LYRM4: variants seen among roughly 807,000 people sequenced by gnomAD.
The protein encoded by LYRM4 is LYR motif containing 4, also known as LYR motif-containing protein 4.
Under a neutral mutation model 11.7 loss-of-function variants are expected in LYRM4, and 9 were observed. The ratio of observed to expected loss-of-function variants is 0.77; its 90% CI spans 0.46 to 1.34. The LOEUF is 1.34. Among genes scored for constraint, LYRM4 ranks in the 40% most tolerant of loss-of-function variants. The pLI is 0.00. For synonymous variants in LYRM4, 42 were observed against 40.4 expected, an observed-to-expected ratio of 1.04 and a Z score of -0.15; for missense variants, 133 against 112.5, an observed-to-expected ratio of 1.18 and a Z score of -0.82.
At chr6:5,166,680 G>A (rs1759106273) in intron 2 of LYRM4, among the ~76,000 whole-genome samples, 1 of 152,194 alleles carries the variant, frequency 6.6e-6, no homozygotes, top group Admixed American at 6.5e-5. Context: ...ATTGGTCTGG[G>A]TTTCACATGG....
the LYRM4 span, among the ~76,000 whole-genome samples, chr6:5,041,341 G>A: frequency 4.6e-5 from 7 of 152,168 alleles, no homozygotes; most frequent in African/African-American, 1.7e-4. Context: ...TAAGTGCCTG[G>A]CCAGCTGTCA....
At position 5,162,958 on chromosome 6, in the gene LYRM4, TA is replaced by T. The variant is rs1251777814; in HGVS notation, c.208-53468del. The stretch of plus-strand genomic sequence containing the variant: ...ATTTTTAAAAGTTGGTTTTCAGCCT[TA>T]AAAAAATCGATTTGTAGGATTCTTT... On this transcript the variant is annotated intron_variant, in intron 2 of 2. Coordinates refer to ENST00000330636, the MANE Select transcript of LYRM4 (RefSeq NM_020408.6). 2.0e-5 allele frequency among the ~76,000 whole-genome samples: 3 copies of T among 152,182 alleles called. No individual in the cohort carries two copies. In the South Asian group the frequency reaches 6.2e-4, roughly 32 times the overall value.
chr6:5,060,981 G>A, the LYRM4 span, among the ~76,000 whole-genome samples: 3 of 152,078 alleles, frequency 2.0e-5, no homozygotes, highest in Non-Finnish European at 4.4e-5. Context: ...ATACTGTTCT[G>A]TGTTCTTAAA....
At chr6:5,213,908 T>C (rs72811702) in intron 2 of LYRM4, among the ~76,000 whole-genome samples, 4,062 of 152,346 alleles carry the variant, frequency 0.027, 76 homozygotes, top group Middle Eastern at 0.051. Flanking sequence ...TTAGTGTACT[T>C]GATCCTCACT....
At chr6:5,076,654 C>G in the LYRM4 span, among the ~76,000 whole-genome samples, 1 of 152,228 alleles carries the variant, frequency 6.6e-6, no homozygotes, top group East Asian at 1.9e-4. Flanking sequence ...AGGAGGGGTG[C>G]TTGGGAACAG....
At chr6:5,236,570 T>C (rs1763557667) in intron 1 of LYRM4, 1 of 152,124 alleles carries the variant, frequency 6.6e-6, no homozygotes, top group Non-Finnish European at 1.5e-5. Context: ...CCTACAGACT[T>C]ACAGTTTATA....
At chr6:5,140,031 C>T (rs556322051) in intron 2 of LYRM4, among the ~76,000 whole-genome samples, 2 of 151,706 alleles carry the variant, frequency 1.3e-5, no homozygotes, top group African/African-American at 4.8e-5. Context: ...CCCAGGAGTT[C>T]GAGACCAGCC....
chr6:5,219,859 A>T (rs551288319), intron 1 of LYRM4, among the ~76,000 whole-genome samples: 1 of 152,174 alleles, frequency 6.6e-6, no homozygotes, highest in Non-Finnish European at 1.5e-5. Flanking sequence ...GTGCATTAGG[A>T]TGATCCTAAT....
chr6:5,144,403 T>C lies in LYRM4; in HGVS notation c.208-34912A>G, dbSNP rs1581370194. The C allele has an allele frequency of 5.8e-6, 5 of 855,662 alleles. No individual in the cohort carries two copies. In the Admixed American group the frequency reaches 7.0e-5, roughly 12 times the overall value. The allele number at this position is 855,662 out of a possible 1,614,324, so 53.0% of individuals were successfully genotyped here. ...CTGTAATTCCAGCACTTTGGGAGGC[T>C]GAGGCGGGCAGATCACAAGCTCAGG... On this transcript the variant is annotated intron_variant, in intron 2 of 2. Transcript: ENST00000330636.
chr6:5,192,568 C>T (rs1760819926), intron 2 of LYRM4, among the ~76,000 whole-genome samples: 1 of 152,176 alleles, frequency 6.6e-6, no homozygotes, highest in Non-Finnish European at 1.5e-5. Flanking sequence ...CCACTGTGCT[C>T]ATTAGCACAG....
At chr6:5,101,867 C>A (rs1341171098), downstream of LYRM4, among the ~76,000 whole-genome samples, 1 of 151,906 alleles carries the variant, frequency 6.6e-6, no homozygotes, top group East Asian at 1.9e-4. Flanking sequence ...GCAATCATGG[C>A]TCACTTGACC....
chr6:5,196,665 C>T (rs1761072737), intron 2 of LYRM4, among the ~76,000 whole-genome samples: 1 of 152,162 alleles, frequency 6.6e-6, no homozygotes, highest in South Asian at 2.1e-4. Flanking sequence ...TGATGCCAAA[C>T]TTTATGGGAA....
At chr6:5,046,561 CTTCAGCTGG>C in the LYRM4 span, among the ~76,000 whole-genome samples, 1 of 152,200 alleles carries the variant, frequency 6.6e-6, no homozygotes, top group Non-Finnish European at 1.5e-5. Context: ...ACATCTGGTG[CTTCAGCTGG>C]GACAGCTGGG....
chr6:5,079,944 A>G, the LYRM4 span, among the ~76,000 whole-genome samples: 7,088 of 152,294 alleles, frequency 0.047, 392 homozygotes, highest in African/African-American at 0.14. Context: ...CAGTGGCTAA[A>G]CTATTCATTT....
chr6:5,244,523 T>G (rs1764052387), intron 1 of LYRM4, among the ~76,000 whole-genome samples: 1 of 148,132 alleles, frequency 6.8e-6, no homozygotes. Flanking sequence ...GGGGTGAGAG[T>G]GTTGGAAAGG....
At chr6:5,035,529 CTCCT>C in the LYRM4 span, among the ~76,000 whole-genome samples, 5 of 135,884 alleles carry the variant, frequency 3.7e-5, no homozygotes, top group African/African-American at 1.4e-4. Flanking sequence ...AAGGCTCTTT[CTCCT>C]TCCTTCCTTC....
chr6:5,156,810 C>T (rs1316169736), intron 2 of LYRM4, among the ~76,000 whole-genome samples: 1 of 152,202 alleles, frequency 6.6e-6, no homozygotes, highest in Non-Finnish European at 1.5e-5. Flanking sequence ...GGGTGAGAAT[C>T]TGTACTGCAA....
intron 1 of LYRM4, among the ~76,000 whole-genome samples, chr6:5,230,061 G>A (rs1186721211): frequency 2.6e-5 from 4 of 152,140 alleles, no homozygotes; most frequent in Admixed American, 1.3e-4. Context: ...AAAATGAAAC[G>A]TGTTTAGCTT....
the LYRM4 span, among the ~76,000 whole-genome samples, chr6:5,058,349 C>T: frequency 6.6e-6 from 1 of 152,190 alleles, no homozygotes; most frequent in Non-Finnish European, 1.5e-5. Flanking sequence ...GCTTTCTCAA[C>T]GGCCTGTCCC....
Sources: gnomAD v4.1 joint callset for allele counts (sites outside exome capture counted in the v4.1 genomes callset) on GRCh38, gnomAD v4.1.1 for gene constraint, MANE v1.5 for transcripts, NCBI Gene and HGNC (gene_info 2026-07-23, HGNC 2026-07-21) for gene names.